CDC42BPA: variants seen among roughly 807,000 people sequenced by gnomAD.
The protein encoded by CDC42BPA is serine/threonine-protein kinase MRCK alpha.
A neutral mutation model predicts 223.5 loss-of-function variants in CDC42BPA; 80 were observed. That is an observed-to-expected ratio of 0.36 (90% CI 0.30 to 0.43). The LOEUF is 0.43. Among genes scored for constraint, CDC42BPA ranks in the 20% least tolerant of loss-of-function variants. CDC42BPA has a pLI of 1.00. For synonymous variants in CDC42BPA, 694 were observed against 718.6 expected, an observed-to-expected ratio of 0.97 and a Z score of 0.55; for missense variants, 1,743 against 2,099.9, an observed-to-expected ratio of 0.83 and a Z score of 3.32.
intron 1 of CDC42BPA, among the ~76,000 whole-genome samples, chr1:227,262,931 A>G (rs530844629): frequency 1.3e-5 from 2 of 152,284 alleles, no homozygotes; most frequent in South Asian, 4.1e-4. Flanking sequence ...ATTTTTAACA[A>G]TTTTTATGAA....
At chr1:227,052,080 C>T (rs1235038301) in intron 21 of CDC42BPA, 95 bp from the exon 22 acceptor site, 1 of 599,774 alleles carries the variant, frequency 1.7e-6, no homozygotes, top group Non-Finnish European at 2.9e-6. Flanking sequence ...ATTATGACAA[C>T]ATTTCTTGAG....
At chr1:227,204,200 A>C (rs1490848740) in intron 3 of CDC42BPA, among the ~76,000 whole-genome samples, 1 of 152,198 alleles carries the variant, frequency 6.6e-6, no homozygotes, top group Non-Finnish European at 1.5e-5. Context: ...TAAGAATTCC[A>C]AGTATTACCA....
intron 14 of CDC42BPA, among the ~76,000 whole-genome samples, chr1:227,105,251 C>A (rs928669252): frequency 1.3e-5 from 2 of 151,876 alleles, no homozygotes; most frequent in African/African-American, 4.8e-5. Context: ...TTTCATCATT[C>A]CAACAAAAAA....
intron 2 of CDC42BPA, among the ~76,000 whole-genome samples, chr1:227,226,836 C>T (rs964268181): frequency 1.3e-5 from 2 of 152,074 alleles, no homozygotes; most frequent in African/African-American, 4.8e-5. Flanking sequence ...GTAAGAGTAA[C>T]ATCAGCTGAT....
intron 2 of CDC42BPA, among the ~76,000 whole-genome samples, chr1:227,238,000 T>G (rs1248313580): frequency 7.1e-6 from 1 of 141,624 alleles, no homozygotes; most frequent in East Asian, 2.0e-4. Flanking sequence ...ATCGTGCCAT[T>G]GCACTCTAGC....
intron 3 of CDC42BPA, among the ~76,000 whole-genome samples, chr1:227,209,135 A>G (rs949849530): frequency 2.9e-5 from 4 of 138,842 alleles, no homozygotes; most frequent in Middle Eastern, 3.6e-3. Context: ...ATGGGAGTTC[A>G]CTCATGATTT....
At position 227,064,110 on chromosome 1, in the gene CDC42BPA, T is replaced by C. The variant is rs185418018; in HGVS notation, c.2904+5667A>G. On this transcript the variant is annotated intron_variant, in intron 21 of 36. Transcript: ENST00000366766. ...GGGGACCAGACTGTTGGGCTATAGA[T>C]ACTATCTCTGTTTCTCTGTGTCTGA... Among the ~76,000 whole-genome samples the C allele has an allele frequency of 5.9e-3, 900 of 152,282 alleles. 10 individuals carry two copies. Among genetic ancestry groups the C allele is most frequent in the African/African-American group, 0.02 (847 of 41,568 alleles).
At chr1:227,144,444 G>C (rs536345836) in intron 8 of CDC42BPA, among the ~76,000 whole-genome samples, 1 of 151,744 alleles carries the variant, frequency 6.6e-6, no homozygotes, top group African/African-American at 2.4e-5. Context: ...GTGTGGTGGC[G>C]CACGCCTACA....
intron 10 of CDC42BPA, among the ~76,000 whole-genome samples, chr1:227,135,901 A>G (rs1425528748): frequency 1.4e-5 from 2 of 139,674 alleles, no homozygotes; most frequent in Admixed American, 1.5e-4. Flanking sequence ...AAAAAAAAAA[A>G]AGCAATTTAG....
intron 32 of CDC42BPA, among the ~76,000 whole-genome samples, chr1:227,022,421 A>T (rs907323036): frequency 4.0e-5 from 5 of 124,236 alleles, no homozygotes; most frequent in Admixed American, 1.5e-4. Flanking sequence ...CAACAGAGTG[A>T]GACTCCCGTC....
chr1:227,223,285 C>T (rs1352995126), intron 2 of CDC42BPA, among the ~76,000 whole-genome samples: 1 of 152,074 alleles, frequency 6.6e-6, no homozygotes, highest in African/African-American at 2.4e-5. Flanking sequence ...GGAGAAGATA[C>T]ACAGGACAAT....
intron 3 of CDC42BPA, among the ~76,000 whole-genome samples, chr1:227,206,136 T>C (rs1173598634): frequency 6.6e-6 from 1 of 152,198 alleles, no homozygotes; most frequent in Non-Finnish European, 1.5e-5. Flanking sequence ...CATCTCCTCA[T>C]GAAATGAGTA....
At chr1:227,259,959 A>G (rs1426491038) in intron 1 of CDC42BPA, among the ~76,000 whole-genome samples, 2 of 150,798 alleles carry the variant, frequency 1.3e-5, no homozygotes, top group Admixed American at 1.3e-4. Context: ...TCTGTGTGAT[A>G]ATAATAATCT....
Position 227,268,382 on chromosome 1 carries a change from C to T in CDC42BPA, c.179-14227G>A, listed in dbSNP as rs140783222. Among the ~76,000 whole-genome samples the T allele has an allele frequency of 9.7e-3, 1,474 of 152,004 alleles. 16 individuals are homozygous for T. The highest frequency in any genetic ancestry group is 0.015 in the Non-Finnish European group (1,006 of 67,970). On this transcript the variant is annotated intron_variant, in intron 1 of 36. Transcript: ENST00000366766. ...TTTTAGTCGGTTTCTTTTCCAATACCAGACTCTATTTTTACTATAATTTAT... is the reference window on the plus strand; with the variant it reads ...TTTTAGTCGGTTTCTTTTCCAATACTAGACTCTATTTTTACTATAATTTAT...
At chr1:227,040,552 A>G (rs1476502195) in intron 23 of CDC42BPA, among the ~76,000 whole-genome samples, 1 of 152,210 alleles carries the variant, frequency 6.6e-6, no homozygotes, top group Non-Finnish European at 1.5e-5. Flanking sequence ...TAAATTATCC[A>G]AATTATTGTT....
intron 11 of CDC42BPA, among the ~76,000 whole-genome samples, chr1:227,127,559 T>C (rs1303304775): frequency 6.6e-6 from 1 of 152,244 alleles, no homozygotes; most frequent in Non-Finnish European, 1.5e-5. Flanking sequence ...GCTGGTCTTC[T>C]GTTCTACTGC....
At chr1:227,144,349 G>T (rs1242052758) in intron 8 of CDC42BPA, among the ~76,000 whole-genome samples, 2 of 151,948 alleles carry the variant, frequency 1.3e-5, no homozygotes, top group South Asian at 4.2e-4. Flanking sequence ...GGCTGAGGAG[G>T]GCGGATCACA....
In CDC42BPA at chr1:227,093,174, A is replaced by T. The variant is rs1683397012; in HGVS notation, c.2250-1183T>A. Among the ~76,000 whole-genome samples, 2 of 152,210 alleles carry T rather than the reference A, an allele frequency of 1.3e-5. 1 individual carries two copies. Among genetic ancestry groups the T allele is most frequent in the South Asian group, 4.1e-4 (2 of 4,832 alleles). ...CTCTCACAACAGTTTTATAATGTAT[A>T]GGTCTCTAATTATGTACAGTGACAC... is the stretch of plus-strand genomic sequence containing the variant. On this transcript the variant is annotated intron_variant, in intron 15 of 36. Coordinates refer to ENST00000366766, the MANE Select transcript of CDC42BPA (RefSeq NM_001394014.1).
intron 6 of CDC42BPA, among the ~76,000 whole-genome samples, chr1:227,151,626 A>G (rs994575178): frequency 6.6e-6 from 1 of 152,108 alleles, no homozygotes; most frequent in Non-Finnish European, 1.5e-5. Context: ...CCTTGACAAC[A>G]CTTGTTATTT....
Sources: allele counts gnomAD v4.1 joint callset (sites outside exome capture counted in the v4.1 genomes callset), GRCh38; gene constraint gnomAD v4.1.1; transcripts MANE v1.5; gene names NCBI Gene and HGNC (gene_info 2026-07-23, HGNC 2026-07-21).